Variants in TLE3 observed in about 807,000 individuals in gnomAD.
TLE3 encodes the protein transducin-like enhancer protein 3.
In TLE3, 14 loss-of-function variants were observed where a neutral mutation model predicts 93.0. That is an observed-to-expected ratio of 0.15 (90% CI 0.10 to 0.24). The LOEUF (loss-of-function observed/expected upper bound fraction) is 0.24. Among genes scored for constraint, TLE3 ranks in the 10% least tolerant of loss-of-function variants. The probability of loss-of-function intolerance (pLI) is 1.00; values close to 1 mark genes in which losing one functional copy is unlikely to be tolerated. For missense variants in TLE3, 693 were observed against 1,046.6 expected (o/e 0.66, Z 4.66); for synonymous variants, 451 against 425.0 (o/e 1.06, Z -0.75).
Position 70,058,533 on chromosome 15 carries a change from C to T in TLE3, c.918+130G>A. 1 of 1,382,142 alleles carries T rather than the reference C, an allele frequency of 7.2e-7. No individual in the cohort carries two copies. The highest frequency in any genetic ancestry group is 9.6e-7 in the Non-Finnish European group (1 of 1,039,682). 85.6% of individuals were successfully genotyped at this position (1,382,142 alleles called of 1,614,324 possible). On this transcript the variant is annotated intron_variant, in intron 11 of 19. Transcript: ENST00000451782. This position sits in a 1 kb window ranked among gnomAD's most constrained non-coding sequence, Gnocchi z 4.1. Reference sequence around the variant, plus strand: ...CTCATTAGCACAGGCCCAGCAGGCACAGAAGGTAAACCGGGGCCAATCACC... The same window carrying T: ...CTCATTAGCACAGGCCCAGCAGGCATAGAAGGTAAACCGGGGCCAATCACC...
chr15:70,062,298 T>C (rs1465644768), intron 8 of TLE3, among the ~76,000 whole-genome samples: 1 of 152,224 alleles, frequency 6.6e-6, no homozygotes, highest in Non-Finnish European at 1.5e-5. Context: ...TTTCATTTCA[T>C]TTCCTCTGAC....
intron 9 of TLE3, among the ~76,000 whole-genome samples, chr15:70,059,990 G>A (rs2056357472): frequency 6.6e-6 from 1 of 152,210 alleles, no homozygotes; most frequent in Non-Finnish European, 1.5e-5. Flanking sequence ...CTGAGGCCCT[G>A]CACCATATCC....
chr15:70,078,806 T>G (rs2057588932), intron 4 of TLE3, among the ~76,000 whole-genome samples: 1 of 152,246 alleles, frequency 6.6e-6, no homozygotes, highest in Admixed American at 6.5e-5. Flanking sequence ...CCAGTCATTC[T>G]GGCCTCCTCA....
intron 16 of TLE3, 92 bp from the exon 17 acceptor site, chr15:70,053,466 A>G: frequency 6.9e-7 from 1 of 1,439,710 alleles, no homozygotes; most frequent in Non-Finnish European, 9.4e-7. Context: ...CAGAAGAGAA[A>G]ACTGAGGCCC....
At chr15:70,063,684 G>A (rs149029899) in intron 8 of TLE3, among the ~76,000 whole-genome samples, 2,273 of 152,318 alleles carry the variant, frequency 0.015, 33 homozygotes, top group Admixed American at 0.021. Context: ...GCTAATCGCT[G>A]GAGGATTTTT....
intron 1 of TLE3, 156 bp downstream of exon 1, chr15:70,096,619 A>G (rs555840470): frequency 1.3e-6 from 2 of 1,543,580 alleles, no homozygotes; most frequent in South Asian, 1.2e-5. Context: ...TCCTCTCTCA[A>G]CGGCGCCCCC....
chr15:70,078,464 AAAC>A (rs558733311), intron 4 of TLE3, among the ~76,000 whole-genome samples: 56 of 152,406 alleles, frequency 3.7e-4, no homozygotes, highest in Admixed American at 2.3e-3. Context: ...CTGTTATCTT[AAAC>A]AACAATAGAG....
intron 4 of TLE3, among the ~76,000 whole-genome samples, chr15:70,084,186 G>A (rs1456056638): frequency 6.6e-6 from 1 of 152,184 alleles, no homozygotes; most frequent in Non-Finnish European, 1.5e-5. Flanking sequence ...AGACCAGGTG[G>A]TAAGCAAATC....
intron 2 of TLE3, 81 bp downstream of exon 2, chr15:70,096,080 C>T (rs1200941511): frequency 3.0e-5 from 44 of 1,461,294 alleles, no homozygotes; most frequent in Non-Finnish European, 3.5e-5. Context: ...GAGCCCCCTC[C>T]GTCCCCGCGG....
intron 14 of TLE3, 191 bp downstream of exon 14, chr15:70,056,107 T>A: frequency 1.5e-6 from 1 of 666,996 alleles, no homozygotes; most frequent in South Asian, 1.7e-5. Flanking sequence ...TGCTCAGAAG[T>A]GTGGCTTGGC....
At chr15:70,067,364 TG>T (rs1334882395) in intron 6 of TLE3, among the ~76,000 whole-genome samples, 2 of 152,236 alleles carry the variant, frequency 1.3e-5, no homozygotes, top group African/African-American at 2.4e-5. Context: ...AATGAATGCC[TG>T]GGCACCTTCC....
intron 6 of TLE3, chr15:70,066,645 T>C (rs1286801394): frequency 6.1e-6 from 1 of 164,806 alleles, no homozygotes; most frequent in Admixed American, 6.0e-5. Flanking sequence ...TGCCAGCATC[T>C]TCCACCCTGA....
At chr15:70,063,686 A>G (rs1157001229) in intron 8 of TLE3, among the ~76,000 whole-genome samples, 1 of 152,240 alleles carries the variant, frequency 6.6e-6, no homozygotes, top group Non-Finnish European at 1.5e-5. Context: ...TAATCGCTGG[A>G]GGATTTTTTT....
chr15:70,053,072 C>T (rs889469455), intron 17 of TLE3, 155 bp downstream of exon 17: 4 of 919,810 alleles, frequency 4.3e-6, no homozygotes, highest in South Asian at 2.0e-5. Context: ...ACTGCTGCTT[C>T]CTCCAGGAAG....
chr15:70,051,466 G>T lies in TLE3; in HGVS notation c.2127C>A (p.Gly709=), dbSNP rs2055533737. The change falls in exon 19 of 20, where the codon GGC becomes GGA. Residue 709 remains glycine (G), a splice_region_variant and synonymous_variant. Coordinates refer to ENST00000451782, the MANE Select transcript of TLE3 (RefSeq NM_001105192.3). Reference sequence around the variant, plus strand: ...CTTTCCCAGTGCTCACGAACCACTTGCCTGCAGGTGGGAGGCAAAGGCATG... The same window carrying T: ...CTTTCCCAGTGCTCACGAACCACTTTCCTGCAGGTGGGAGGCAAAGGCATG... ...CVLSLKFAYC[G]KWFVSTGKDN... is the part of the protein sequence containing the mutation. The T allele has an allele frequency of 6.2e-7, 1 of 1,605,626 alleles. No homozygotes were observed. Among genetic ancestry groups the T allele is most frequent in the African/African-American group, 1.3e-5 (1 of 74,948 alleles).
intron 4 of TLE3, among the ~76,000 whole-genome samples, chr15:70,084,236 C>T (rs2057933341): frequency 6.6e-6 from 1 of 152,234 alleles, no homozygotes; most frequent in Non-Finnish European, 1.5e-5. Context: ...ATAACAAGGC[C>T]TCTCAACCAA....
intron 4 of TLE3, among the ~76,000 whole-genome samples, chr15:70,082,318 GA>G: frequency 6.6e-6 from 1 of 151,950 alleles, no homozygotes; most frequent in East Asian, 1.9e-4. Flanking sequence ...AACAGAGGAA[GA>G]AATCCATGGG....
intron 3 of TLE3, 157 bp downstream of exon 3, chr15:70,095,420 TG>T: frequency 6.7e-7 from 1 of 1,496,090 alleles, no homozygotes; most frequent in Non-Finnish European, 8.9e-7. Context: ...CAATGGAAGC[TG>T]GGGAAGGGGA....
chr15:70,053,501 C>T (rs1187070139), intron 16 of TLE3, 127 bp from the exon 17 acceptor site: 1 of 1,108,602 alleles, frequency 9.0e-7, no homozygotes, highest in Admixed American at 2.9e-5. Flanking sequence ...TGCGCATGGT[C>T]CCTTAGCGAG....
Sources: gnomAD v4.1 joint callset for allele counts (sites outside exome capture counted in the v4.1 genomes callset) on GRCh38, gnomAD v4.1.1 for gene constraint, Gnocchi (gnomAD v3.1) non-coding constraint, MANE v1.5 for transcripts, NCBI Gene and HGNC (gene_info 2026-07-23, HGNC 2026-07-21) for gene names.